The following ROBO2 variants were observed in gnomAD, a reference collection of about 807,000 sequenced individuals.
ROBO2 encodes roundabout homolog 2.
A neutral mutation model predicts 160.8 loss-of-function variants in ROBO2; 53 were observed. That is an observed-to-expected ratio of 0.33 (90% CI 0.26 to 0.41). The LOEUF is 0.41. Ranked by LOEUF, ROBO2 falls within the 10% of genes least tolerant of loss-of-function variation. The pLI is 1.00. For synonymous variants in ROBO2, 664 were observed against 611.7 expected (o/e 1.09, Z -1.26); for missense variants, 1,577 against 1,722.4 (o/e 0.92, Z 1.49).
intron 2 of ROBO2, among the ~76,000 whole-genome samples, chr3:76,890,257 A>G (rs1384941215): frequency 2.6e-5 from 4 of 152,154 alleles, no homozygotes; most frequent in Admixed American, 2.6e-4. Context: ...TGTAGATATT[A>G]TGATTAGCCT....
intron 2 of ROBO2, among the ~76,000 whole-genome samples, chr3:76,746,535 G>T (rs1381348403): frequency 6.6e-6 from 1 of 152,126 alleles, no homozygotes; most frequent in Non-Finnish European, 1.5e-5. Flanking sequence ...TCTAATTGGT[G>T]TGAGATGGTA....
At chr3:77,578,704 A>G (rs754772280) in intron 15 of ROBO2, among the ~76,000 whole-genome samples, 1 of 152,118 alleles carries the variant, frequency 6.6e-6, no homozygotes, top group African/African-American at 2.4e-5. Flanking sequence ...TACAATAATT[A>G]TATAGATTCT....
intron 2 of ROBO2, among the ~76,000 whole-genome samples, chr3:76,836,635 C>T (rs7645328): frequency 0.11 from 16,192 of 151,416 alleles, 1,043 homozygotes; most frequent in East Asian, 0.23. Context: ...TTATTTGACC[C>T]ATGGATTTTT....
chr3:76,969,009 A>G (rs567122167), intron 2 of ROBO2, among the ~76,000 whole-genome samples: 3 of 152,226 alleles, frequency 2.0e-5, no homozygotes, highest in South Asian at 4.1e-4. Flanking sequence ...GTTTCCATCT[A>G]GGTAATGTGT....
At chr3:76,152,302 AT>A (rs1225224340) in intron 2 of ROBO2, among the ~76,000 whole-genome samples, 2 of 152,144 alleles carry the variant, frequency 1.3e-5, no homozygotes, top group Admixed American at 6.6e-5. Context: ...GGAAAATGCT[AT>A]TATAGATTTG....
intron 2 of ROBO2, among the ~76,000 whole-genome samples, chr3:77,261,204 C>T (rs576736700): frequency 6.6e-6 from 1 of 152,158 alleles, no homozygotes; most frequent in South Asian, 2.1e-4. Flanking sequence ...AGTAGGGAGA[C>T]AGTGATGTGA....
intron 2 of ROBO2, among the ~76,000 whole-genome samples, chr3:76,489,074 G>C (rs1485383651): frequency 8.9e-6 from 1 of 112,200 alleles, no homozygotes; most frequent in Non-Finnish European, 1.8e-5. Context: ...GACAGAGTGA[G>C]ACTCTGTCTC....
chr3:76,251,986 G>A (rs1254987256), intron 2 of ROBO2, among the ~76,000 whole-genome samples: 3 of 152,022 alleles, frequency 2.0e-5, no homozygotes, highest in Admixed American at 2.0e-4. Flanking sequence ...TGTTGCTAAT[G>A]AGAAGCAAGT....
intron 2 of ROBO2, among the ~76,000 whole-genome samples, chr3:77,239,892 C>G (rs771122943): frequency 2.0e-5 from 3 of 152,114 alleles, no homozygotes; most frequent in Non-Finnish European, 4.4e-5. Flanking sequence ...ACCAGATTAG[C>G]TAGATACGGA....
intron 2 of ROBO2, among the ~76,000 whole-genome samples, chr3:76,128,976 A>T (rs187571200): frequency 4.6e-5 from 7 of 152,024 alleles, no homozygotes; most frequent in African/African-American, 1.7e-4. Flanking sequence ...GACTTTAGGG[A>T]ATTTACAGAT....
rs1419249225 is a variant in ROBO2 at position 77,563,152 on chromosome 3, G to C, written c.1520-15G>C. On this transcript the variant is annotated splice_polypyrimidine_tract_variant and intron_variant, in intron 10 of 25. Transcript: ENST00000461745. The stretch of plus-strand genomic sequence containing the variant: ...TGCAATCAGGAATGAAGTTTTTTCT[G>C]TCTGTCCTCTATAGAGTCTGGAGCA... 6.2e-7 allele frequency: 1 copy of C among 1,612,472 alleles called. No individual in the cohort carries two copies. Among genetic ancestry groups the C allele is most frequent in the South Asian group, 1.1e-5 (1 of 90,994 alleles).
intron 2 of ROBO2, among the ~76,000 whole-genome samples, chr3:76,987,710 G>A (rs765356165): frequency 4.0e-4 from 60 of 151,836 alleles, no homozygotes; most frequent in Admixed American, 4.6e-4. Flanking sequence ...CTTTCAAAAC[G>A]ACCCATCAGT....
At chr3:76,169,582 T>C (rs2106984585) in intron 2 of ROBO2, among the ~76,000 whole-genome samples, 1 of 152,246 alleles carries the variant, frequency 6.6e-6, no homozygotes, top group Non-Finnish European at 1.5e-5. Flanking sequence ...AAATATACAA[T>C]ACAGGAAATA....
intron 2 of ROBO2, among the ~76,000 whole-genome samples, chr3:76,148,470 C>A (rs78626197): frequency 6.6e-6 from 1 of 152,046 alleles, no homozygotes; most frequent in Non-Finnish European, 1.5e-5. Context: ...ATTAAAGCAT[C>A]TTTTCCCTTT....
At chr3:76,672,489 A>G (rs2106691527) in intron 2 of ROBO2, among the ~76,000 whole-genome samples, 1 of 152,340 alleles carries the variant, frequency 6.6e-6, no homozygotes, top group Middle Eastern at 3.4e-3. Context: ...TAAACAAAAT[A>G]CTAATAATAC....
At chr3:76,194,363 T>TATATATATATATATAC (rs1702158139) in intron 2 of ROBO2, among the ~76,000 whole-genome samples, 1 of 118,640 alleles carries the variant, frequency 8.4e-6, no homozygotes, top group African/African-American at 3.5e-5. Context: ...AATATATATA[T>TATATATATATATATAC]ATATATATAT....
At chr3:77,097,843 A>G (rs922965610) in intron 1 of ROBO2, among the ~76,000 whole-genome samples, 171 bp from the exon 2 acceptor site, 1 of 152,156 alleles carries the variant, frequency 6.6e-6, no homozygotes. Flanking sequence ...GTATCGCCCT[A>G]TCCTGCAAAG....
At chr3:76,756,530 A>ATTATG (rs2060981061) in intron 2 of ROBO2, among the ~76,000 whole-genome samples, 1 of 151,882 alleles carries the variant, frequency 6.6e-6, no homozygotes, top group Admixed American at 6.6e-5. Context: ...TAGTCTTATG[A>ATTATG]TTATGTTATT....
At chr3:76,446,555 G>A (rs1297666006) in intron 2 of ROBO2, among the ~76,000 whole-genome samples, 2 of 152,040 alleles carry the variant, frequency 1.3e-5, no homozygotes, top group Non-Finnish European at 2.9e-5. Context: ...AAGTTCACGT[G>A]GAACCAAAAA....
Sources: gnomAD v4.1 joint callset for allele counts (sites outside exome capture counted in the v4.1 genomes callset) on GRCh38, gnomAD v4.1.1 for gene constraint, MANE v1.5 for transcripts, NCBI Gene and HGNC (gene_info 2026-07-23, HGNC 2026-07-21) for gene names.